Variants in PREP observed in about 807,000 individuals in gnomAD.
The protein encoded by PREP is prolyl endopeptidase, also known as dJ355L5.1 (prolyl endopeptidase).
PREP carries 29 observed loss-of-function variants against 87.6 expected under a neutral mutation model. The ratio of observed to expected loss-of-function variants is 0.33; its 90% confidence interval spans 0.25 to 0.45. PREP has a LOEUF of 0.45. PREP is among the 20% of genes least tolerant of loss of function. The probability of loss-of-function intolerance (pLI) is 1.00; values close to 1 mark genes in which losing one functional copy is unlikely to be tolerated. For missense variants in PREP, 695 were observed against 886.5 expected, an observed-to-expected ratio of 0.78 and a Z score of 2.74; for synonymous variants, 337 against 328.6, an observed-to-expected ratio of 1.03 and a Z score of -0.28.
intron 2 of PREP, among the ~76,000 whole-genome samples, chr6:105,379,688 G>C (rs535739473): frequency 6.6e-6 from 1 of 152,352 alleles, no homozygotes; most frequent in East Asian, 1.9e-4. Flanking sequence ...ACTGGGCTGT[G>C]CTGGGTAGGA....
chr6:105,342,137 G>A (rs980217759), intron 7 of PREP, among the ~76,000 whole-genome samples: 1 of 152,250 alleles, frequency 6.6e-6, no homozygotes, highest in East Asian at 1.9e-4. Flanking sequence ...AATCCTCAAT[G>A]AAATACTGGC....
At chr6:105,356,269 C>A (rs1010501460) in intron 6 of PREP, among the ~76,000 whole-genome samples, 1 of 152,236 alleles carries the variant, frequency 6.6e-6, no homozygotes, top group Admixed American at 6.5e-5. Flanking sequence ...GTATACAGCC[C>A]CACTGCTAAG....
chr6:105,293,624 A>G (rs1421471355), intron 10 of PREP, among the ~76,000 whole-genome samples: 2 of 151,768 alleles, frequency 1.3e-5, no homozygotes, highest in African/African-American at 2.4e-5. Context: ...AAAAAATGCA[A>G]TTATTTGTGA....
At chr6:105,393,705 T>C (rs1245507452) in intron 2 of PREP, among the ~76,000 whole-genome samples, 1 of 152,176 alleles carries the variant, frequency 6.6e-6, no homozygotes, top group East Asian at 1.9e-4. Flanking sequence ...ACACAAATCA[T>C]TTCAACTCTG....
In PREP at chr6:105,274,367, CCAT is replaced by C. The variant is rs1200551824; in HGVS notation, c.*3774_*3776del. Among the ~76,000 whole-genome samples, 4 of 152,146 alleles carry C rather than the reference CCAT, an allele frequency of 2.6e-5. No homozygotes were observed. Among genetic ancestry groups the C allele is most frequent in the Admixed American group, 2.0e-4 (3 of 15,280 alleles). ...TTCATGAGGATTCCGCTCTCATGACCCATCGCCTCCTGAAGGCCCTGCCTCCTA... is the reference window on the plus strand; with the variant it reads ...TTCATGAGGATTCCGCTCTCATGACCCGCCTCCTGAAGGCCCTGCCTCCTA... On this transcript the variant is annotated 3_prime_UTR_variant, in exon 15 of 15. Coordinates refer to ENST00000652536, the MANE Select transcript of PREP (RefSeq NM_002726.5).
At chr6:105,323,575 C>A (rs745839852) in intron 10 of PREP, 90 bp downstream of exon 10, 1 of 1,158,798 alleles carries the variant, frequency 8.6e-7, no homozygotes. Context: ...TGAATTACCT[C>A]CACTGCTTCT....
intron 10 of PREP, among the ~76,000 whole-genome samples, chr6:105,312,259 C>T (rs1770773222): frequency 6.6e-6 from 1 of 152,120 alleles, no homozygotes; most frequent in South Asian, 2.1e-4. Flanking sequence ...ATGGCTACTT[C>T]TATACAGGCA....
chr6:105,376,147 G>A lies in PREP; in HGVS notation c.363C>T (p.Asp121=), dbSNP rs757701968. 4 of 1,613,662 alleles carry A rather than the reference G, an allele frequency of 2.5e-6. No homozygotes were observed. Among genetic ancestry groups the A allele is most frequent in the African/African-American group, 1.3e-5 (1 of 74,996 alleles). Residue 121 remains aspartate (D), a synonymous_variant, in exon 4 of 15, where the codon GAC becomes GAT. Coordinates refer to ENST00000652536, the MANE Select transcript of PREP (RefSeq NM_002726.5). ...TACCTCGGAGTGCCACTGTGCCATC[G>A]TCAGACAGTATGTTGGGGTCCAGGA... ...RVFLDPNILS[D]DGTVALRGYA... is the part of the protein sequence containing the mutation.
At chr6:105,394,154 TTAATA>T (rs898770186) in intron 2 of PREP, among the ~76,000 whole-genome samples, 6 of 152,182 alleles carry the variant, frequency 3.9e-5, no homozygotes, top group African/African-American at 1.4e-4. Context: ...CATTTTAATA[TTAATA>T]TATTAGTGAA....
chr6:105,329,460 T>A (rs1367324393), intron 8 of PREP, among the ~76,000 whole-genome samples: 1 of 152,222 alleles, frequency 6.6e-6, no homozygotes, highest in Non-Finnish European at 1.5e-5. Context: ...AGCCTTATAA[T>A]TGGTTTTAAT....
rs531421117 is a variant in PREP, at chr6:105,289,401, C to T, written c.1318-507G>A. On this transcript the variant is annotated intron_variant, in intron 10 of 14. Transcript: ENST00000652536. Reference sequence around the variant, plus strand: ...CTAAATGTTAAGATGCTCAAGACGTCATTTTTCTATGCTGAACTACTAAAC... The same window carrying T: ...CTAAATGTTAAGATGCTCAAGACGTTATTTTTCTATGCTGAACTACTAAAC... 1.4e-4 allele frequency among the ~76,000 whole-genome samples: 21 copies of T among 152,282 alleles called. No individual in the cohort carries two copies. In the South Asian group the frequency reaches 4.1e-3, roughly 30 times the overall value.
chr6:105,368,164 T>C (rs1772443208), intron 6 of PREP, among the ~76,000 whole-genome samples: 1 of 152,194 alleles, frequency 6.6e-6, no homozygotes, highest in South Asian at 2.1e-4. Flanking sequence ...CTAAAAAGTT[T>C]GTAGTACATT....
chr6:105,312,889 G>A (rs371447062), intron 10 of PREP, among the ~76,000 whole-genome samples: 5 of 152,248 alleles, frequency 3.3e-5, no homozygotes, highest in East Asian at 1.9e-4. Flanking sequence ...ACTGGGGCGC[G>A]GCTGTATGAA....
chr6:105,322,525 A>G, intron 10 of PREP: 1 of 985,842 alleles, frequency 1.0e-6, no homozygotes, highest in Non-Finnish European at 1.2e-6. Context: ...AGAATGTTGT[A>G]CTTTTAAATG....
In PREP at chr6:105,331,754, T is replaced by C. The variant is rs142005336; in HGVS notation, c.1015+1560A>G. Among the ~76,000 whole-genome samples, 64 of 152,350 alleles carry C rather than the reference T, an allele frequency of 4.2e-4. 1 individual carries two copies. The East Asian group carries it at 0.012, about 28-fold the overall frequency. On this transcript the variant is annotated intron_variant, in intron 8 of 14. Coordinates refer to ENST00000652536, the MANE Select transcript of PREP (RefSeq NM_002726.5). ...GAAATAAATGGTCAAAAATCTGTTC[T>C]GTGACTCGTGGGTCCCTCGTCCAAA...
At chr6:105,339,763 CG>C (rs1562206485) in intron 7 of PREP, among the ~76,000 whole-genome samples, 1 of 151,972 alleles carries the variant, frequency 6.6e-6, no homozygotes, top group African/African-American at 2.4e-5. Flanking sequence ...GTAGCCGATT[CG>C]ATCAAGTGGA....
chr6:105,289,302 T>G (rs1005861876), intron 10 of PREP, among the ~76,000 whole-genome samples: 1 of 152,158 alleles, frequency 6.6e-6, no homozygotes. Flanking sequence ...AGGGGCACAT[T>G]TGCCATCCTG....
chr6:105,363,890 A>G (rs1475827495), intron 6 of PREP, among the ~76,000 whole-genome samples: 2 of 152,166 alleles, frequency 1.3e-5, no homozygotes, highest in African/African-American at 4.8e-5. Context: ...AACCCACATC[A>G]GGGAACAGCA....
At chr6:105,385,569 A>G (rs887270998) in intron 2 of PREP, among the ~76,000 whole-genome samples, 3 of 152,140 alleles carry the variant, frequency 2.0e-5, no homozygotes, top group East Asian at 3.8e-4. Context: ...AAATGGGGGG[A>G]AAAAACCCAA....
Sources: allele counts gnomAD v4.1 joint callset (sites outside exome capture counted in the v4.1 genomes callset), GRCh38; gene constraint gnomAD v4.1.1; transcripts MANE v1.5; gene names NCBI Gene and HGNC (gene_info 2026-07-23, HGNC 2026-07-21).